DGKD: variants seen among roughly 807,000 people sequenced by gnomAD.
DGKD encodes the protein diacylglycerol kinase delta.
In DGKD, 68 loss-of-function variants were observed where a neutral mutation model predicts 154.4. The ratio of observed to expected loss-of-function variants is 0.44; its 90% CI spans 0.36 to 0.54. The LOEUF (loss-of-function observed/expected upper bound fraction) is 0.54. Ranked by LOEUF, DGKD falls within the 20% of genes least tolerant of loss-of-function variation. DGKD has a pLI of 0.00. For missense variants in DGKD, 1,343 were observed against 1,593.6 expected, an observed-to-expected ratio of 0.84 and a Z score of 2.68; for synonymous variants, 693 against 638.0, an observed-to-expected ratio of 1.09 and a Z score of -1.30.
chr2:233,446,821 C>G (rs370262428), intron 12 of DGKD, 25 bp downstream of exon 12: 2 of 1,612,892 alleles, frequency 1.2e-6, no homozygotes, highest in African/African-American at 1.3e-5. Flanking sequence ...TTCTTCACAC[C>G]CTGCTCGCAT....
At chr2:233,467,720 A>G (rs1320552832) in intron 28 of DGKD, among the ~76,000 whole-genome samples, 1 of 152,190 alleles carries the variant, frequency 6.6e-6, no homozygotes, top group African/African-American at 2.4e-5. Context: ...TGTCTGAAGG[A>G]TCAGCCCTGA....
chr2:233,437,316 G>C (rs1052111232), intron 7 of DGKD, 61 bp from the exon 8 acceptor site: 1 of 1,496,764 alleles, frequency 6.7e-7, no homozygotes, highest in African/African-American at 1.4e-5. Context: ...AGGGCAGGAG[G>C]ATTTCTGGTG....
intron 3 of DGKD, among the ~76,000 whole-genome samples, chr2:233,419,063 A>G (rs2062035295): frequency 1.3e-5 from 2 of 152,084 alleles, no homozygotes; most frequent in Admixed American, 1.3e-4. Flanking sequence ...GTGTACGGGG[A>G]ATCCAGGATT....
intron 1 of DGKD, among the ~76,000 whole-genome samples, chr2:233,385,131 C>T (rs997572139): frequency 6.6e-6 from 1 of 152,208 alleles, no homozygotes; most frequent in African/African-American, 2.4e-5. Context: ...CCATTCTGGA[C>T]TTTCCCTGCC....
intron 1 of DGKD, among the ~76,000 whole-genome samples, chr2:233,367,749 G>A (rs532144869): frequency 5.3e-5 from 8 of 152,012 alleles, no homozygotes; most frequent in Admixed American, 1.3e-4. Flanking sequence ...GTGCTCTACC[G>A]CATCCCACTT....
chr2:233,382,071 T>C (rs747020831), intron 1 of DGKD, among the ~76,000 whole-genome samples: 38 of 152,108 alleles, frequency 2.5e-4, no homozygotes, highest in Admixed American at 1.4e-3. Context: ...CTGTCTCTAC[T>C]AAAAATACAA....
chr2:233,464,421 A>G (rs2063765543), intron 27 of DGKD, 138 bp downstream of exon 27: 1 of 1,078,876 alleles, frequency 9.3e-7, no homozygotes. Flanking sequence ...CCTTCTCCAG[A>G]CTTCGCTATT....
intron 3 of DGKD, among the ~76,000 whole-genome samples, chr2:233,432,623 C>T (rs2062567890): frequency 6.6e-6 from 1 of 152,206 alleles, no homozygotes; most frequent in Non-Finnish European, 1.5e-5. Flanking sequence ...TGCGCCACTG[C>T]ACACCAGCCT....
intron 3 of DGKD, among the ~76,000 whole-genome samples, chr2:233,433,927 C>A (rs760484729): frequency 2.0e-5 from 3 of 152,170 alleles, no homozygotes; most frequent in African/African-American, 7.2e-5. Context: ...AGGTTTTCTA[C>A]AAGAACATTT....
intron 3 of DGKD, among the ~76,000 whole-genome samples, chr2:233,394,690 CCTTTTT>C (rs1182388385): frequency 0.16 from 12,907 of 82,424 alleles, 3,054 homozygotes; most frequent in Non-Finnish European, 0.22. Flanking sequence ...AATTTAATTC[CCTTTTT>C]TTTTTTTTTT....
At chr2:233,461,227 C>T (rs2063628346) in intron 24 of DGKD, among the ~76,000 whole-genome samples, 1 of 152,212 alleles carries the variant, frequency 6.6e-6, no homozygotes, top group Admixed American at 6.5e-5. Flanking sequence ...CTGCATTCTC[C>T]CCCCGTGGCC....
At position 233,449,934 on chromosome 2, in the gene DGKD, C is replaced by T. The variant is rs2063214899; in HGVS notation, c.1889-48C>T. ...GCCCTCCACCCAGCCTGACAGCGCC[C>T]TTGGCTTTGCACCCGCGTGCTCAGC... On this transcript the variant is annotated intron_variant, in intron 15 of 29. Transcript: ENST00000264057. This position sits in a 1 kb window ranked among gnomAD's most constrained non-coding sequence, Gnocchi z 5.3. 2.0e-6 allele frequency: 3 copies of T among 1,527,484 alleles called. No homozygotes were observed. Among genetic ancestry groups the T allele is most frequent in the African/African-American group, 1.4e-5 (1 of 72,422 alleles). The allele number at this position is 1,527,484 out of a possible 1,614,324, so 94.6% of individuals were successfully genotyped here.
chr2:233,382,290 T>C (rs1404016260), intron 1 of DGKD, among the ~76,000 whole-genome samples: 1 of 152,210 alleles, frequency 6.6e-6, no homozygotes, highest in East Asian at 1.9e-4. Context: ...TACCAGCTTC[T>C]TTCCACTGAA....
chr2:233,367,519 G>A (rs980893320), intron 1 of DGKD, among the ~76,000 whole-genome samples: 65 of 150,966 alleles, frequency 4.3e-4, no homozygotes, highest in Non-Finnish European at 8.4e-4. Context: ...ATGAGCCACC[G>A]CACCCAGCTG....
intron 10 of DGKD, among the ~76,000 whole-genome samples, chr2:233,444,427 T>A (rs1249155285): frequency 6.6e-6 from 1 of 151,510 alleles, no homozygotes; most frequent in Non-Finnish European, 1.5e-5. Flanking sequence ...CCTTTAAGAG[T>A]CCCAGCTTTG....
chr2:233,438,842 G>A lies in DGKD; in HGVS notation c.1085+463G>A, dbSNP rs187487077. Reference sequence around the variant, plus strand: ...TGGGTGTATTTTCCTGGCGTGCCTCGTTCTTTGTAACAGCTGCCTAACATT... The same window carrying A: ...TGGGTGTATTTTCCTGGCGTGCCTCATTCTTTGTAACAGCTGCCTAACATT... On this transcript the variant is annotated intron_variant, in intron 9 of 29. Coordinates refer to ENST00000264057, the MANE Select transcript of DGKD (RefSeq NM_152879.3). This position sits in a 1 kb window ranked among gnomAD's most constrained non-coding sequence, Gnocchi z 4.1. 5.0e-3 allele frequency among the ~76,000 whole-genome samples: 758 copies of A among 151,074 alleles called. 4 individuals carry two copies. Among genetic ancestry groups the A allele is most frequent in the Middle Eastern group, 0.01 (3 of 292 alleles).
intron 1 of DGKD, among the ~76,000 whole-genome samples, chr2:233,364,001 TGAAGAG>T (rs2125382336): frequency 6.6e-6 from 1 of 152,206 alleles, no homozygotes; most frequent in African/African-American, 2.4e-5. Context: ...AAACCATAGA[TGAAGAG>T]AAAGAGAGAA....
chr2:233,363,408 G>A lies in DGKD; in HGVS notation c.156+8734G>A, dbSNP rs148240230. Among the ~76,000 whole-genome samples the A allele has an allele frequency of 1.4e-3, 216 of 152,274 alleles. 1 individual carries two copies. Among genetic ancestry groups the A allele is most frequent in the Non-Finnish European group, 2.2e-3 (151 of 68,030 alleles). ...ATAAAGAAAATACTTTTGTACAAGTGTACAGTGTGTGTTTCAAGCTAAATG... is the reference window on the plus strand; with the variant it reads ...ATAAAGAAAATACTTTTGTACAAGTATACAGTGTGTGTTTCAAGCTAAATG... On this transcript the variant is annotated intron_variant, in intron 1 of 29. Coordinates refer to ENST00000264057, the MANE Select transcript of DGKD (RefSeq NM_152879.3).
At chr2:233,467,959 A>C (rs2063878909) in intron 28 of DGKD, among the ~76,000 whole-genome samples, 1 of 152,172 alleles carries the variant, frequency 6.6e-6, no homozygotes, top group Admixed American at 6.5e-5. Flanking sequence ...CCCTTCTAGA[A>C]GCTGGAGGAA....
Sources: gnomAD v4.1 joint callset for allele counts (sites outside exome capture counted in the v4.1 genomes callset) on GRCh38, gnomAD v4.1.1 for gene constraint, Gnocchi (gnomAD v3.1) non-coding constraint, MANE v1.5 for transcripts, NCBI Gene and HGNC (gene_info 2026-07-23, HGNC 2026-07-21) for gene names.